Variants in CDH13 observed in about 807,000 individuals in gnomAD.
CDH13 encodes the protein cadherin-13.
CDH13 carries 24 observed loss-of-function variants against 63.8 expected under a neutral mutation model. The ratio of observed to expected loss-of-function variants is 0.38; its 90% CI spans 0.27 to 0.53. The LOEUF is 0.53. CDH13 is among the 20% of genes least tolerant of loss of function. The probability of loss-of-function intolerance (pLI) is 0.85; values close to 1 mark genes in which losing one functional copy is unlikely to be tolerated. For missense variants in CDH13, 1,049 were observed against 903.1 expected (o/e 1.16, Z -2.07); for synonymous variants, 503 against 355.3 (o/e 1.42, Z -4.67).
intron 5 of CDH13, among the ~76,000 whole-genome samples, chr16:83,270,476 A>T (rs1364860524): frequency 6.6e-6 from 1 of 152,222 alleles, no homozygotes; most frequent in East Asian, 1.9e-4. Context: ...CCATTGTGAA[A>T]TTTAAAATAT....
chr16:83,181,294 G>A (rs75118190), intron 4 of CDH13, among the ~76,000 whole-genome samples: 1,565 of 152,304 alleles, frequency 0.01, 19 homozygotes, highest in Middle Eastern at 0.037. Context: ...TTTGTTCACA[G>A]AATCAAGCGA....
intron 3 of CDH13, among the ~76,000 whole-genome samples, chr16:83,069,091 C>T (rs1038265973): frequency 2.0e-5 from 3 of 152,220 alleles, no homozygotes; most frequent in Non-Finnish European, 2.9e-5. Flanking sequence ...ATGTCTTTCA[C>T]TTATCCCATA....
intron 5 of CDH13, among the ~76,000 whole-genome samples, chr16:83,236,605 C>A (rs78335570): frequency 6.6e-6 from 1 of 152,122 alleles, no homozygotes; most frequent in Admixed American, 6.5e-5. Flanking sequence ...GTTCTGGAGA[C>A]AGATTCTGGC....
At chr16:82,871,411 G>A (rs1039262391) in intron 2 of CDH13, among the ~76,000 whole-genome samples, 1 of 152,166 alleles carries the variant, frequency 6.6e-6, no homozygotes, top group African/African-American at 2.4e-5. Flanking sequence ...CAACAAGGGA[G>A]ATAGGAGTGT....
At chr16:83,738,137 C>T (rs994374654) in intron 10 of CDH13, among the ~76,000 whole-genome samples, 2 of 152,310 alleles carry the variant, frequency 1.3e-5, no homozygotes, top group African/African-American at 2.4e-5. Flanking sequence ...TGGCATGGCC[C>T]TTGTCACGAG....
intron 5 of CDH13, among the ~76,000 whole-genome samples, chr16:83,241,370 T>A (rs146870115): frequency 1.3e-5 from 2 of 152,230 alleles, no homozygotes; most frequent in Non-Finnish European, 2.9e-5. Context: ...TGCTAGATCA[T>A]ATGGTAATTG....
chr16:83,520,443 G>C (rs1271652542), intron 7 of CDH13, among the ~76,000 whole-genome samples: 1 of 152,120 alleles, frequency 6.6e-6, no homozygotes, highest in Non-Finnish European at 1.5e-5. Flanking sequence ...TAGTTACATG[G>C]ATATATACTT....
chr16:82,692,449 A>T (rs1597337264), intron 1 of CDH13, among the ~76,000 whole-genome samples: 1 of 152,176 alleles, frequency 6.6e-6, no homozygotes, highest in East Asian at 1.9e-4. Context: ...CAGGCAAGAG[A>T]GCATGTGTAG....
At chr16:82,765,957 G>T (rs939972141) in intron 1 of CDH13, among the ~76,000 whole-genome samples, 3 of 152,158 alleles carry the variant, frequency 2.0e-5, no homozygotes, top group African/African-American at 7.2e-5. Flanking sequence ...ATAGTTATGT[G>T]AGTTCAGAAT....
At chr16:82,667,023 G>A (rs112953927) in intron 1 of CDH13, among the ~76,000 whole-genome samples, 1 of 152,102 alleles carries the variant, frequency 6.6e-6, no homozygotes, top group South Asian at 2.1e-4. Context: ...AAGCCAACTC[G>A]GAGCCTTCTG....
intron 13 of CDH13, among the ~76,000 whole-genome samples, chr16:83,792,204 G>A (rs1172907189): frequency 6.6e-6 from 1 of 152,248 alleles, no homozygotes; most frequent in African/African-American, 2.4e-5. Flanking sequence ...ATGCTTTGCA[G>A]AGGAGCTGTG....
chr16:82,844,505 G>T (rs1028629530), intron 1 of CDH13: 9 of 151,170 alleles, frequency 6.0e-5, no homozygotes, highest in Non-Finnish European at 1.2e-4. Flanking sequence ...GGAGGCTGAG[G>T]CAGGAGAATG....
chr16:82,826,419 GAATTCAATCCCA>G (rs2038256875), intron 1 of CDH13: 1 of 152,054 alleles, frequency 6.6e-6, no homozygotes, highest in Non-Finnish European at 1.5e-5. Flanking sequence ...ATACAATATC[GAATTCAATCCCA>G]AACTTGAAGC....
chr16:82,797,174 C>T (rs961841361), intron 1 of CDH13, among the ~76,000 whole-genome samples: 26 of 152,164 alleles, frequency 1.7e-4, no homozygotes, highest in Admixed American at 3.9e-4. Flanking sequence ...GTCACTCTTT[C>T]AGTGTGGGGA....
At chr16:83,217,228 C>A in intron 4 of CDH13, 117 bp from the exon 5 acceptor site, 2 of 935,732 alleles carry the variant, frequency 2.1e-6, no homozygotes, top group Non-Finnish European at 3.3e-6. Context: ...TCTGTGTTCA[C>A]CAGGTACCCA....
intron 8 of CDH13, among the ~76,000 whole-genome samples, chr16:83,645,401 G>GGA (rs373412325): frequency 4.6e-5 from 7 of 152,118 alleles, no homozygotes; most frequent in African/African-American, 1.4e-4. Flanking sequence ...CCAAATGCAG[G>GGA]GAGAGAGAGA....
intron 8 of CDH13, among the ~76,000 whole-genome samples, chr16:83,622,705 C>CT (rs1598383059): frequency 6.6e-6 from 1 of 152,178 alleles, no homozygotes; most frequent in African/African-American, 2.4e-5. Flanking sequence ...ATTTTTAAAT[C>CT]TTTTTACATT....
intron 6 of CDH13, among the ~76,000 whole-genome samples, chr16:83,416,857 G>A (rs1471499022): frequency 6.6e-6 from 1 of 152,120 alleles, no homozygotes; most frequent in African/African-American, 2.4e-5. Flanking sequence ...TCAGTAAGAT[G>A]GGGATAAAAA....
intron 5 of CDH13, among the ~76,000 whole-genome samples, chr16:83,284,125 C>T (rs1436381407): frequency 6.6e-6 from 1 of 152,146 alleles, no homozygotes; most frequent in African/African-American, 2.4e-5. Flanking sequence ...ACTCATCCCG[C>T]AGTTTTCAAA....
Sources: allele counts gnomAD v4.1 joint callset (sites outside exome capture counted in the v4.1 genomes callset), GRCh38; gene constraint gnomAD v4.1.1; transcripts MANE v1.5; gene names NCBI Gene and HGNC (gene_info 2026-07-23, HGNC 2026-07-21).